LIPA: variants seen among roughly 807,000 people sequenced by gnomAD.
The protein encoded by LIPA is lipase A, lysosomal acid type.
LIPA carries 26 observed loss-of-function variants against 40.6 expected under a neutral mutation model. That is an observed-to-expected ratio of 0.64 (90% CI 0.47 to 0.89). The LOEUF is 0.89. Ranked by LOEUF, LIPA falls within the 40% of genes least tolerant of loss-of-function variation. The pLI is 0.00. For synonymous variants in LIPA, 188 were observed against 168.4 expected, an observed-to-expected ratio of 1.12 and a Z score of -0.90; for missense variants, 455 against 479.6, an observed-to-expected ratio of 0.95 and a Z score of 0.48.
At position 89,381,170 on chromosome 10, in the gene LIPA, T is replaced by C. The variant is rs371933775; in HGVS notation, c.61+31621A>G. Reference sequence around the variant, plus strand: ...ACATATTTAGAAAGCTTGGAATGGCTTATCTTCAAATATTCCAGCAGCTCT... The same window carrying C: ...ACATATTTAGAAAGCTTGGAATGGCCTATCTTCAAATATTCCAGCAGCTCT... On this transcript the variant is annotated intron_variant, in intron 2 of 8. Coordinates refer to the LIPA transcript ENST00000371837. 5.3e-5 allele frequency among the ~76,000 whole-genome samples: 8 copies of C among 152,200 alleles called. No homozygotes were observed. The East Asian group carries it at 1.2e-3, about 22-fold the overall frequency.
intron 1 of LIPA, among the ~76,000 whole-genome samples, chr10:89,248,442 A>T (rs367815355): frequency 8.8e-5 from 12 of 136,416 alleles, no homozygotes; most frequent in Non-Finnish European, 9.5e-5. Flanking sequence ...TTATTATTTT[A>T]TATTTATTTA....
intron 3 of LIPA, 27 bp from the exon 4 acceptor site, chr10:89,228,425 C>T: frequency 6.3e-7 from 1 of 1,583,640 alleles, no homozygotes; most frequent in Non-Finnish European, 8.7e-7. Flanking sequence ...GTTTAGGAGG[C>T]AGTAGCACCA....
intron 1 of LIPA, chr10:89,328,169 C>A (rs965823920): frequency 7.3e-6 from 9 of 1,238,392 alleles, no homozygotes; most frequent in African/African-American, 4.5e-5. Context: ...CCTGAATTGT[C>A]CTGATGTTTA....
chr10:89,407,249 A>T (rs567947812), intron 2 of LIPA, among the ~76,000 whole-genome samples: 1 of 152,026 alleles, frequency 6.6e-6, no homozygotes, highest in East Asian at 1.9e-4. Flanking sequence ...TATTCTATCT[A>T]CCCTAACCCT....
intron 2 of LIPA, among the ~76,000 whole-genome samples, chr10:89,358,175 C>T (rs977589651): frequency 3.3e-5 from 5 of 152,134 alleles, no homozygotes; most frequent in South Asian, 2.1e-4. Flanking sequence ...ATAATCTGGC[C>T]GCCTGAGCCA....
intron 2 of LIPA, among the ~76,000 whole-genome samples, chr10:89,409,970 A>C (rs1422847731): frequency 6.6e-6 from 1 of 152,226 alleles, no homozygotes; most frequent in Non-Finnish European, 1.5e-5. Flanking sequence ...AACAAACTCA[A>C]GCTCTAGCCT....
In LIPA at chr10:89,214,116, CA is replaced by C. The variant is rs1564747890; in HGVS notation, c.*711del. Reference sequence around the variant, plus strand: ...CATGAATATAGATGGTTGAGTGTATCAGTCTTCAAAGCATTTAAAACATACT... The same window carrying C: ...CATGAATATAGATGGTTGAGTGTATCGTCTTCAAAGCATTTAAAACATACT... On this transcript the variant is annotated 3_prime_UTR_variant, in exon 10 of 10. Coordinates refer to ENST00000336233, the MANE Select transcript of LIPA (RefSeq NM_000235.4). The C allele has an allele frequency of 6.6e-6, 1 of 152,288 alleles. No individual in the cohort carries two copies. The highest frequency in any genetic ancestry group is 1.5e-5 in the Non-Finnish European group (1 of 68,088). 9.4% of individuals were successfully genotyped at this position (152,288 alleles called of 1,614,324 possible).
upstream of LIPA, chr10:89,414,650 G>C (rs1325762499): frequency 5.2e-6 from 4 of 766,400 alleles, no homozygotes; most frequent in Non-Finnish European, 7.7e-6. Flanking sequence ...ACAAAGACAC[G>C]CCGCGCGGCC....
At chr10:89,402,878 T>G in intron 2 of LIPA, 2 of 1,614,222 alleles carry the variant, frequency 1.2e-6, no homozygotes, top group South Asian at 2.2e-5. Flanking sequence ...ACAAGCCATT[T>G]TCTTTGCTTC....
intron 1 of LIPA, among the ~76,000 whole-genome samples, chr10:89,321,620 A>G (rs61853142): frequency 1.3e-5 from 2 of 152,188 alleles, no homozygotes; most frequent in Admixed American, 6.5e-5. Flanking sequence ...CACTGTTGGT[A>G]GGACTGTAAA....
intron 2 of LIPA, among the ~76,000 whole-genome samples, chr10:89,350,065 G>T (rs1843948692): frequency 6.6e-6 from 1 of 152,080 alleles, no homozygotes; most frequent in Non-Finnish European, 1.5e-5. Context: ...TGCACAATTT[G>T]ACACCCCTCA....
upstream of LIPA, among the ~76,000 whole-genome samples, chr10:89,256,165 C>T (rs1207686170): frequency 6.6e-6 from 1 of 152,204 alleles, no homozygotes; most frequent in Non-Finnish European, 1.5e-5. Context: ...GAGGTCAGAC[C>T]ACTCCACCCT....
chr10:89,247,859 T>TTTATTTAC (rs1435759761), intron 1 of LIPA: 2 of 103,868 alleles, frequency 1.9e-5, no homozygotes, highest in African/African-American at 7.0e-5. Flanking sequence ...TATTTATTTA[T>TTTATTTAC]TTATTTATTT....
chr10:89,264,504 T>C (rs1843225322), intron 1 of LIPA, among the ~76,000 whole-genome samples: 1 of 151,972 alleles, frequency 6.6e-6, no homozygotes, highest in Non-Finnish European at 1.5e-5. Flanking sequence ...CACAAGCAGG[T>C]AATCCCAAGT....
chr10:89,323,475 G>A (rs1323702492), intron 1 of LIPA, among the ~76,000 whole-genome samples: 1 of 151,898 alleles, frequency 6.6e-6, no homozygotes, highest in Non-Finnish European at 1.5e-5. Context: ...CACCTAGATA[G>A]GAAGAGAGGA....
At chr10:89,297,693 T>C (rs1843423323) in intron 1 of LIPA, among the ~76,000 whole-genome samples, 1 of 152,200 alleles carries the variant, frequency 6.6e-6, no homozygotes, top group African/African-American at 2.4e-5. Flanking sequence ...CACCACAAAC[T>C]CTGTACTCGG....
intron 2 of LIPA, among the ~76,000 whole-genome samples, chr10:89,355,788 G>A (rs1404380204): frequency 6.6e-6 from 1 of 152,112 alleles, no homozygotes; most frequent in Non-Finnish European, 1.5e-5. Flanking sequence ...GCTAAATTTA[G>A]CATTATAATT....
chr10:89,410,914 CAG>C (rs771176603), intron 2 of LIPA, among the ~76,000 whole-genome samples: 2 of 151,556 alleles, frequency 1.3e-5, no homozygotes, highest in African/African-American at 2.4e-5. Flanking sequence ...GACAGAAAGT[CAG>C]AGAGAGAGAG....
intron 2 of LIPA, among the ~76,000 whole-genome samples, chr10:89,391,172 G>A (rs530383645): frequency 1.3e-5 from 2 of 152,298 alleles, no homozygotes; most frequent in East Asian, 1.9e-4. Flanking sequence ...TATGTTAAAA[G>A]ACAAAGTAGG....
Sources: allele counts gnomAD v4.1 joint callset (sites outside exome capture counted in the v4.1 genomes callset), GRCh38; gene constraint gnomAD v4.1.1; transcripts MANE v1.5; gene names NCBI Gene and HGNC (gene_info 2026-07-23, HGNC 2026-07-21).